TRIM66: variants seen among roughly 807,000 people sequenced by gnomAD.
TRIM66 encodes the protein tripartite motif containing 66.
TRIM66 carries 99 observed loss-of-function variants against 148.2 expected under a neutral mutation model. The observed-to-expected ratio is 0.67, with a 90% CI of 0.57 to 0.79. The LOEUF is 0.79. TRIM66 is among the 30% of genes least tolerant of loss of function. TRIM66 has a pLI of 0.00. For missense variants in TRIM66, 1,666 were observed against 1,697.9 expected (o/e 0.98, Z 0.33); for synonymous variants, 616 against 635.9 (o/e 0.97, Z 0.47).
chr11:8,672,417 T>G, intron 4 of TRIM66, 32 bp from the exon 5 acceptor site: 1 of 1,479,334 alleles, frequency 6.8e-7, no homozygotes, highest in Middle Eastern at 1.8e-4. Context: ...AGGAAGAAAA[T>G]TGCATTATTG....
Position 8,648,093 on chromosome 11 carries a change from G to T in TRIM66, c.726-7C>A. ...TTCTTCAACATGTCTGCACCTAGGGGATGAGGCAGAGAAAAAGCTGAGAAG... is the reference window on the plus strand; with the variant it reads ...TTCTTCAACATGTCTGCACCTAGGGTATGAGGCAGAGAAAAAGCTGAGAAG... On this transcript the variant is annotated splice_polypyrimidine_tract_variant and splice_region_variant and intron_variant, in intron 9 of 24. Transcript: ENST00000646038. 6.5e-7 allele frequency: 1 copy of T among 1,550,276 alleles called. No individual in the cohort carries two copies. Among genetic ancestry groups the T allele is most frequent in the Non-Finnish European group, 8.7e-7 (1 of 1,145,704 alleles).
In TRIM66 at chr11:8,624,462, G is replaced by A; in HGVS notation, c.2916C>T (p.Ile972=). The A allele has an allele frequency of 6.4e-7, 1 of 1,551,646 alleles. No individual in the cohort carries two copies. Among genetic ancestry groups the A allele is most frequent in the Non-Finnish European group, 8.7e-7 (1 of 1,146,986 alleles). The change falls in exon 17 of 25, where the codon ATC becomes ATT. Residue 972 remains isoleucine, a synonymous_variant. Transcript: ENST00000646038. ...PGLDAPKDLA[I]PSELEEPINL... ...TAATTGGCTCCTCCAGTTCTGAGGG[G>A]ATGGCCAAGTCCTTGGGAGCATCCA...
intron 13 of TRIM66, 136 bp downstream of exon 13, chr11:8,642,873 T>C (rs992785937): frequency 9.8e-6 from 3 of 305,668 alleles, no homozygotes; most frequent in Non-Finnish European, 1.7e-5. Flanking sequence ...AAAAAAGGTT[T>C]GCTGAATGAT....
In TRIM66 at chr11:8,620,434, ACTC is replaced by A; in HGVS notation, c.3672+9_3672+11del. The A allele has an allele frequency of 6.4e-7, 1 of 1,551,110 alleles. No homozygotes were observed. Among genetic ancestry groups the A allele is most frequent in the Non-Finnish European group, 8.7e-7 (1 of 1,146,716 alleles). Reference sequence around the variant, plus strand: ...AAGGCAGGGAACCTTGTTTCCAAAGACTCCTCCCTACCTTCTGGTCATACATGC... The same window carrying A: ...AAGGCAGGGAACCTTGTTTCCAAAGACTCCCTACCTTCTGGTCATACATGC... On this transcript the variant is annotated intron_variant, in intron 21 of 24. Transcript: ENST00000646038.
At position 8,621,269 on chromosome 11, in the gene TRIM66, C is replaced by A; in HGVS notation, c.3308G>T (p.Arg1103Ile). ...EATQAPGLEG[R>I]KVTVTSLAGQ... ...AGCCAAAGAAGTGACAGTGACCTTT[C>A]TTCCCTCCAGACCTGGGGCCTGGGT... The change falls in exon 20 of 25, where the codon AGA becomes ATA. Residue 1103 changes from arginine (R) to isoleucine (I), a missense_variant. Coordinates refer to ENST00000646038, the MANE Select transcript of TRIM66 (RefSeq NM_001388022.1). The A allele has an allele frequency of 6.4e-7, 1 of 1,551,700 alleles. No individual in the cohort carries two copies.
chr11:8,651,205 A>T (rs749876204), intron 7 of TRIM66, among the ~76,000 whole-genome samples: 1 of 152,200 alleles, frequency 6.6e-6, no homozygotes, highest in Non-Finnish European at 1.5e-5. Context: ...TATCCAGCAC[A>T]GGGTCTGGCA....
In TRIM66 at chr11:8,614,757, C is replaced by A. The variant is rs549324729; in HGVS notation, c.*3187G>T. On this transcript the variant is annotated 3_prime_UTR_variant, in exon 25 of 25. Coordinates refer to ENST00000646038, the MANE Select transcript of TRIM66 (RefSeq NM_001388022.1). ...TGGGTACAGGGAGGGAGCCAGAGTC[C>A]GCTGGTGGGGGATGGCAGGGACTGC... is the stretch of plus-strand genomic sequence containing the variant. 6.6e-6 allele frequency: 1 copy of A among 152,516 alleles called. No individual in the cohort carries two copies. Among genetic ancestry groups the A allele is most frequent in the African/African-American group, 2.4e-5 (1 of 41,454 alleles). The allele number at this position is 152,516 out of a possible 1,614,324, so 9.4% of individuals were successfully genotyped here.
intron 6 of TRIM66, among the ~76,000 whole-genome samples, chr11:8,666,635 CA>C (rs544379680): frequency 1.3e-5 from 2 of 151,570 alleles, no homozygotes; most frequent in African/African-American, 4.8e-5. Context: ...ATTTTACAGG[CA>C]AAAAAAACCT....
chr11:8,640,664 G>C lies in TRIM66; in HGVS notation c.1711C>G (p.Gln571Glu). The C allele has an allele frequency of 1.3e-6, 2 of 1,551,700 alleles. No individual in the cohort carries two copies. The highest frequency in any genetic ancestry group is 1.7e-6 in the Non-Finnish European group (2 of 1,146,998). The change falls in exon 14 of 25, where the codon CAG (glutamine) becomes GAG (glutamate). Residue 571 changes from glutamine (Q) to glutamate (E), a missense_variant. Physicochemically the swap from Gln to Glu is conservative, Grantham distance 29. Around this residue, in one of 3 missense-constraint regions of TRIM66, gnomAD observed 1,431 missense variants for 1,412.4 expected, o/e 1.01. Transcript: ENST00000646038. ...PQDVQQGAHA[Q>E]PTLQTPSIQV... ...ATAGAGGGTGTCTGTAAGGTGGGCTGGGCATGGGCTCCTTGCTGAACATCC... is the reference window on the plus strand; with the variant it reads ...ATAGAGGGTGTCTGTAAGGTGGGCTCGGCATGGGCTCCTTGCTGAACATCC...
intron 10 of TRIM66, among the ~76,000 whole-genome samples, chr11:8,646,909 C>T (rs201940123): frequency 1.3e-4 from 18 of 136,770 alleles, no homozygotes; most frequent in East Asian, 8.5e-4. Flanking sequence ...CAATAAATGT[C>T]GCCATGAGGT....
rs1242313570 is a variant in TRIM66 at position 8,679,376 on chromosome 11, T to G, written c.-190+244A>C. Reference sequence around the variant, plus strand: ...ATCAAGCCATTGATGAGAAGAATGTTAGGTGAACACAGAACCCAACGGGTA... The same window carrying G: ...ATCAAGCCATTGATGAGAAGAATGTGAGGTGAACACAGAACCCAACGGGTA... On this transcript the variant is annotated intron_variant, in intron 3 of 24. Transcript: ENST00000646038. 2.0e-5 allele frequency: 3 copies of G among 152,286 alleles called. No homozygotes were observed. In the East Asian group the frequency reaches 5.8e-4, roughly 29 times the overall value. The allele number at this position is 152,286 out of a possible 1,614,324, so 9.4% of individuals were successfully genotyped here.
chr11:8,680,232 G>T (rs976112541), intron 1 of TRIM66, among the ~76,000 whole-genome samples, 169 bp from the exon 2 acceptor site: 3 of 152,214 alleles, frequency 2.0e-5, no homozygotes, highest in Non-Finnish European at 4.4e-5. Flanking sequence ...TAAGGGAGAG[G>T]CTGGGGTAAG....
At chr11:8,674,188 G>C (rs2039073566) in intron 4 of TRIM66, among the ~76,000 whole-genome samples, 1 of 152,166 alleles carries the variant, frequency 6.6e-6, no homozygotes, top group Non-Finnish European at 1.5e-5. Context: ...ACCCCAAAGA[G>C]AGTTCATTTA....
intron 15 of TRIM66, among the ~76,000 whole-genome samples, chr11:8,635,546 T>C (rs1167026214): frequency 2.0e-5 from 3 of 152,142 alleles, no homozygotes; most frequent in Non-Finnish European, 4.4e-5. Flanking sequence ...TCAGGGTTGA[T>C]CTCTCTCTGC....
rs755995846 is a variant in TRIM66 at position 8,618,980 on chromosome 11, GGAGAGCAGT to G, written c.3901-21_3901-13del. On this transcript the variant is annotated splice_polypyrimidine_tract_variant and intron_variant, in intron 23 of 24. Transcript: ENST00000646038. ...ACCTCGGAGTCAGGCTGATGGGGGA[GGAGAGCAGT>G]GATGGTCTAGCCTGTTTCTACCAGT... The G allele has an allele frequency of 6.5e-7, 1 of 1,550,268 alleles. No homozygotes were observed. The highest frequency in any genetic ancestry group is 1.2e-5 in the South Asian group (1 of 84,010).
Position 8,641,088 on chromosome 11 carries a change from CT to C in TRIM66, c.1286del (p.Gln429ArgfsTer123). 6.4e-7 allele frequency: 1 copy of C among 1,551,698 alleles called. No individual in the cohort carries two copies. Among genetic ancestry groups the C allele is most frequent in the South Asian group, 1.2e-5 (1 of 84,062 alleles). ...RADAPAYGGLQGSSPFYQSHQ... is the reference protein window; with the variant it reads ...RADAPAYGGLXGSSPFYQSHQ... ...GGCTTTGATAAAAGGGTGATGACCC[CT>C]GTAAGCCTCCATAAGCAGGAGCATC... On this transcript the variant is annotated frameshift_variant, in exon 14 of 25. Coordinates refer to ENST00000646038, the MANE Select transcript of TRIM66 (RefSeq NM_001388022.1). LOFTEE classifies it high-confidence loss of function.
intron 10 of TRIM66, among the ~76,000 whole-genome samples, chr11:8,647,053 CAAT>C (rs1351299632): frequency 5.5e-5 from 8 of 145,354 alleles, no homozygotes; most frequent in African/African-American, 7.6e-5. Flanking sequence ...ATATAATAAA[CAAT>C]AATAAACATA....
At chr11:8,628,636 A>AAAAAAAAAAAAAAAAAAAAAAAAAAG (rs1555042270) in intron 15 of TRIM66, among the ~76,000 whole-genome samples, 1 of 93,340 alleles carries the variant, frequency 1.1e-5, no homozygotes, top group African/African-American at 3.5e-5. Context: ...AAAAAAAAAA[A>AAAAAAAAAAAAAAAAAAAAAAAAAAG]AGAGAGAGAA....
chr11:8,638,514 A>T, intron 15 of TRIM66, 140 bp downstream of exon 15: 1 of 895,484 alleles, frequency 1.1e-6, no homozygotes, highest in Non-Finnish European at 1.6e-6. Context: ...CTACGGCAGA[A>T]GGCATGAATC....
Sources: gnomAD v4.1 joint callset for allele counts (sites outside exome capture counted in the v4.1 genomes callset) on GRCh38, gnomAD v4.1.1 for gene constraint, gnomAD v4.1.1 regional missense constraint, MANE v1.5 for transcripts, NCBI Gene and HGNC (gene_info 2026-07-23, HGNC 2026-07-21) for gene names.